DST: variants seen among roughly 807,000 people sequenced by gnomAD.
DST encodes dystonin.
In DST, 253 loss-of-function variants were observed where a neutral mutation model predicts 875.2. The ratio of observed to expected loss-of-function variants is 0.29; its 90% confidence interval spans 0.26 to 0.32. The LOEUF is 0.32. DST is among the 10% of genes least tolerant of loss of function. The pLI is 1.00. For missense variants in DST, 8,287 were observed against 9,111.6 expected, an observed-to-expected ratio of 0.91 and a Z score of 3.68; for synonymous variants, 3,124 against 3,197.1, an observed-to-expected ratio of 0.98 and a Z score of 0.77.
chr6:56,547,199 T>C (rs2097245745), intron 61 of DST, among the ~76,000 whole-genome samples: 1 of 152,174 alleles, frequency 6.6e-6, no homozygotes, highest in Non-Finnish European at 1.5e-5. Flanking sequence ...CCACCTGTTA[T>C]GCCTAGTTTG....
chr6:56,592,009 A>G lies in DST; in HGVS notation c.12903+173T>C, dbSNP rs545238944. 2.0e-5 allele frequency among the ~76,000 whole-genome samples: 3 copies of G among 149,344 alleles called. No homozygotes were observed. The East Asian group carries it at 5.9e-4, about 29-fold the overall frequency. ...AAAAAAAAAAAAAAAAAAAATTCGG[A>G]AAAAAAAAGAATGTACTGTGGAGAA... is the stretch of plus-strand genomic sequence containing the variant. On this transcript the variant is annotated intron_variant, in intron 49 of 103. Transcript: ENST00000680361.
intron 49 of DST, among the ~76,000 whole-genome samples, chr6:56,584,160 C>T (rs1250659451): frequency 9.2e-5 from 14 of 152,012 alleles, no homozygotes; most frequent in African/African-American, 1.7e-4. Flanking sequence ...GGGGATGGCA[C>T]TGAATCTATA....
chr6:56,677,798 C>T (rs2099137916), intron 9 of DST, among the ~76,000 whole-genome samples: 1 of 152,210 alleles, frequency 6.6e-6, no homozygotes, highest in Non-Finnish European at 1.5e-5. Context: ...CTGAGCCTCT[C>T]CTGCCCATAT....
Position 56,481,492 on chromosome 6 carries a change from G to A in DST, c.21531+558C>T, listed in dbSNP as rs115613740. ...GTTATTCAATAGAATATTGGCTTAT[G>A]AAATTCATTTTTAAAGTTTTTAATG... On this transcript the variant is annotated intron_variant, in intron 90 of 103. Transcript: ENST00000680361. Among the ~76,000 whole-genome samples the A allele has an allele frequency of 1.5e-4, 23 of 152,286 alleles. 1 individual carries two copies. The highest frequency in any genetic ancestry group is 3.8e-4 in the African/African-American group (16 of 41,560).
chr6:56,518,224 G>A (rs920229899), intron 69 of DST, among the ~76,000 whole-genome samples: 3 of 152,036 alleles, frequency 2.0e-5, no homozygotes, highest in Non-Finnish European at 4.4e-5. Flanking sequence ...TTTAATAAAT[G>A]TTATTTTCCT....
In DST at chr6:56,552,391, C is replaced by T. The variant is rs2152554986; in HGVS notation, c.16401G>A (p.Glu5467=). Residue 5467 remains glutamate, a synonymous_variant, in exon 61 of 104, where the codon GAG becomes GAA. Coordinates refer to ENST00000680361, the MANE Select transcript of DST (RefSeq NM_001374736.1). ...ACTTGTTGCATTGTTTGCTTAAGGC[C>T]TCCAAGTCCCTTTTGATTCCAACAA... The part of the protein sequence containing the change: ...PDLVGIKRDL[E]ALSKQCNKLL... 1.2e-6 allele frequency: 2 copies of T among 1,613,982 alleles called. No homozygotes were observed. The highest frequency in any genetic ancestry group is 1.7e-6 in the Non-Finnish European group (2 of 1,179,892).
intron 4 of DST, among the ~76,000 whole-genome samples, chr6:56,762,807 C>T (rs2099620429): frequency 6.7e-6 from 1 of 148,370 alleles, no homozygotes; most frequent in African/African-American, 2.5e-5. Flanking sequence ...TCACTTTGTA[C>T]TATACCATAG....
At chr6:56,584,529 TTG>T (rs1157896921) in intron 49 of DST, among the ~76,000 whole-genome samples, 1 of 150,488 alleles carries the variant, frequency 6.6e-6, no homozygotes, top group Non-Finnish European at 1.5e-5. Context: ...TACAATCATG[TTG>T]CCTGCAAACA....
Position 56,603,719 on chromosome 6 carries a change from A to G in DST, c.10792-6T>C, listed in dbSNP as rs376986412. The G allele has an allele frequency of 6.9e-6, 11 of 1,592,068 alleles. No individual in the cohort carries two copies. Among genetic ancestry groups the G allele is most frequent in the Non-Finnish European group, 8.5e-6 (10 of 1,172,132 alleles). On this transcript the variant is annotated splice_region_variant and splice_polypyrimidine_tract_variant and intron_variant, in intron 40 of 103. Transcript: ENST00000680361. ...TGCTGTAATTCACTGGAAAACTAAA[A>G]ACAAAGTTGGACATTTTAATTCAAT...
chr6:56,799,612 TTTTG>T (rs1306154895), intron 4 of DST, among the ~76,000 whole-genome samples: 2 of 151,802 alleles, frequency 1.3e-5, no homozygotes, highest in Non-Finnish European at 2.9e-5. Flanking sequence ...TTTTTGTGTT[TTTTG>T]TTTGTTTGGT....
intron 50 of DST, among the ~76,000 whole-genome samples, chr6:56,576,912 G>A (rs950810697): frequency 2.0e-5 from 3 of 152,104 alleles, no homozygotes; most frequent in Non-Finnish European, 4.4e-5. Flanking sequence ...CTACCCAGCC[G>A]ATGCTATTTT....
chr6:56,808,281 C>T (rs113068883), intron 4 of DST, among the ~76,000 whole-genome samples: 4,832 of 151,648 alleles, frequency 0.032, 248 homozygotes, highest in African/African-American at 0.11. Context: ...TGAGATTGTC[C>T]GTGCTGCTAC....
chr6:56,630,062 G>T (rs534539985), intron 31 of DST, among the ~76,000 whole-genome samples, 183 bp downstream of exon 31: 2 of 152,228 alleles, frequency 1.3e-5, no homozygotes, highest in East Asian at 3.9e-4. Flanking sequence ...CTTCAAATGA[G>T]AACTCTCCTC....
At chr6:56,886,354 G>A (rs1383508873) in intron 3 of DST, among the ~76,000 whole-genome samples, 1 of 152,188 alleles carries the variant, frequency 6.6e-6, no homozygotes, top group Non-Finnish European at 1.5e-5. Flanking sequence ...GTTTAGTTTT[G>A]TCAAACTGGA....
At chr6:56,918,327 A>G (rs1442920022) in intron 2 of DST, among the ~76,000 whole-genome samples, 2 of 151,988 alleles carry the variant, frequency 1.3e-5, no homozygotes, top group Admixed American at 1.3e-4. Flanking sequence ...GGGTTTCGCC[A>G]TGTTGGTCAG....
chr6:56,600,405 A>G (rs531682730), intron 44 of DST, among the ~76,000 whole-genome samples, 184 bp from the exon 45 acceptor site: 2 of 152,220 alleles, frequency 1.3e-5, no homozygotes, highest in African/African-American at 2.4e-5. Context: ...AGCATATCCC[A>G]TATACAAAGA....
At chr6:56,491,971 T>C (rs975697449) in intron 85 of DST, among the ~76,000 whole-genome samples, 2 of 152,192 alleles carry the variant, frequency 1.3e-5, no homozygotes, top group African/African-American at 2.4e-5. Flanking sequence ...TCAATGATAA[T>C]AGCCTGTCTA....
At chr6:56,945,468 T>C (rs1337023540) in intron 2 of DST, among the ~76,000 whole-genome samples, 1 of 152,176 alleles carries the variant, frequency 6.6e-6, no homozygotes, top group Non-Finnish European at 1.5e-5. Flanking sequence ...TTCTCCAAAA[T>C]AGATGCATAA....
intron 8 of DST, among the ~76,000 whole-genome samples, chr6:56,700,071 C>A (rs2099289617): frequency 6.6e-6 from 1 of 152,196 alleles, no homozygotes; most frequent in Non-Finnish European, 1.5e-5. Flanking sequence ...CACCTGAGCT[C>A]CACCTCCTGT....
Sources: allele counts gnomAD v4.1 joint callset (sites outside exome capture counted in the v4.1 genomes callset), GRCh38; gene constraint gnomAD v4.1.1; transcripts MANE v1.5; gene names NCBI Gene and HGNC (gene_info 2026-07-23, HGNC 2026-07-21).